Variants in EYS observed in about 807,000 individuals in gnomAD.
EYS encodes protein eyes shut homolog.
EYS carries 250 observed loss-of-function variants against 282.1 expected under a neutral mutation model. The observed-to-expected ratio is 0.89, with a 90% CI of 0.80 to 0.98. EYS has a LOEUF of 0.98. EYS is among the 50% of genes least tolerant of loss of function. The pLI is 0.00. For synonymous variants in EYS, 1,355 were observed against 1,282.9 expected (o/e 1.06, Z -1.20); for missense variants, 4,016 against 3,709.0 (o/e 1.08, Z -2.15).
intron 5 of EYS, among the ~76,000 whole-genome samples, chr6:65,416,327 T>G (rs1283714427): frequency 6.6e-6 from 1 of 151,996 alleles, no homozygotes; most frequent in Non-Finnish European, 1.5e-5. Context: ...TAAGGAGCCA[T>G]TTATTAAAAG....
In EYS at chr6:64,839,413, A is replaced by G. The variant is rs1304831704; in HGVS notation, c.2993-16591T>C. On this transcript the variant is annotated intron_variant, in intron 19 of 42. Transcript: ENST00000503581. ...GTGTACTGTGACTCTAATACATTTT[A>G]CTTCTATATAACAGTGTTCCTTTAT... is the stretch of plus-strand genomic sequence containing the variant. Among the ~76,000 whole-genome samples the G allele has an allele frequency of 1.2e-4, 18 of 152,060 alleles. 1 individual carries two copies. The highest frequency in any genetic ancestry group is 7.2e-4 in the Admixed American group (11 of 15,218).
chr6:63,806,081 T>C (rs1770899398), intron 37 of EYS, 109 bp downstream of exon 37: 2 of 930,750 alleles, frequency 2.1e-6, no homozygotes, highest in African/African-American at 1.7e-5. Context: ...GGAGGCTGCA[T>C]CTAGGCAAAG....
intron 31 of EYS, among the ~76,000 whole-genome samples, chr6:64,103,626 T>C (rs895411931): frequency 1.1e-4 from 16 of 152,066 alleles, no homozygotes; most frequent in African/African-American, 3.4e-4. Flanking sequence ...TCATAGATGG[T>C]GATATGCCAG....
intron 22 of EYS, among the ~76,000 whole-genome samples, chr6:64,707,325 G>A (rs1289392446): frequency 1.3e-5 from 2 of 152,094 alleles, no homozygotes; most frequent in Admixed American, 1.3e-4. Context: ...ATAATACAAT[G>A]GACTTTGGGA....
chr6:65,575,854 AT>A (rs1764645447), intron 2 of EYS, among the ~76,000 whole-genome samples: 2 of 152,106 alleles, frequency 1.3e-5, no homozygotes, highest in Non-Finnish European at 2.9e-5. Context: ...AAATGGATAA[AT>A]TCCTAGACAC....
At chr6:64,027,189 G>T (rs1404672742) in intron 33 of EYS, among the ~76,000 whole-genome samples, 1 of 152,142 alleles carries the variant, frequency 6.6e-6, no homozygotes, top group Non-Finnish European at 1.5e-5. Flanking sequence ...ATGGGGACTG[G>T]AGTCATAAAC....
intron 2 of EYS, among the ~76,000 whole-genome samples, chr6:65,591,419 A>G (rs1765230510): frequency 6.6e-6 from 1 of 151,822 alleles, no homozygotes; most frequent in Non-Finnish European, 1.5e-5. Context: ...CCTTTCCATA[A>G]TGTAAGGAAC....
At chr6:63,780,111 T>C (rs1003853966) in intron 39 of EYS, among the ~76,000 whole-genome samples, 2 of 152,182 alleles carry the variant, frequency 1.3e-5, no homozygotes, top group African/African-American at 4.8e-5. Flanking sequence ...TATTCCATGG[T>C]GTATATGTGC....
At chr6:64,053,374 C>A (rs1770877634) in intron 33 of EYS, among the ~76,000 whole-genome samples, 1 of 151,996 alleles carries the variant, frequency 6.6e-6, no homozygotes, top group African/African-American at 2.4e-5. Flanking sequence ...GAATTAAAAA[C>A]ATAAGAAAAT....
intron 41 of EYS, among the ~76,000 whole-genome samples, chr6:63,736,402 T>A (rs1389116877): frequency 6.6e-6 from 1 of 152,224 alleles, no homozygotes; most frequent in Non-Finnish European, 1.5e-5. Flanking sequence ...GTTGTAGATA[T>A]GTGGCATTAT....
At chr6:65,073,504 G>T (rs1048442391) in intron 12 of EYS, among the ~76,000 whole-genome samples, 3 of 151,550 alleles carry the variant, frequency 2.0e-5, no homozygotes, top group East Asian at 3.9e-4. Context: ...TCTACTTACA[G>T]AACCCAAACT....
chr6:65,016,635 T>C lies in EYS; in HGVS notation c.2138-18932A>G, dbSNP rs191176330. On this transcript the variant is annotated intron_variant, in intron 13 of 42. Coordinates refer to ENST00000503581, the MANE Select transcript of EYS (RefSeq NM_001142800.2). The stretch of plus-strand genomic sequence containing the variant: ...TAGTGAAATCCACTATAAAGTTAAA[T>C]AAAGTAGAATCAAGTCATCCAACTT... 7.2e-5 allele frequency among the ~76,000 whole-genome samples: 11 copies of C among 152,230 alleles called. No individual in the cohort carries two copies. In the East Asian group the frequency reaches 2.1e-3, roughly 29 times the overall value.
At chr6:64,427,742 T>C (rs1056093860) in intron 28 of EYS, among the ~76,000 whole-genome samples, 1 of 152,200 alleles carries the variant, frequency 6.6e-6, no homozygotes, top group Non-Finnish European at 1.5e-5. Flanking sequence ...AAAGCAACCA[T>C]TATGTATACT....
intron 36 of EYS, among the ~76,000 whole-genome samples, chr6:63,837,072 A>T (rs537270314): frequency 6.6e-6 from 1 of 152,172 alleles, no homozygotes; most frequent in South Asian, 2.1e-4. Context: ...TTCACATGTG[A>T]CATTCAATCA....
chr6:63,866,317 T>G (rs1772670804), intron 35 of EYS, among the ~76,000 whole-genome samples: 1 of 152,162 alleles, frequency 6.6e-6, no homozygotes, highest in South Asian at 2.1e-4. Context: ...CTGACCTTAC[T>G]TGGAGTTGAA....
intron 19 of EYS, among the ~76,000 whole-genome samples, chr6:64,860,744 T>A (rs1355194167): frequency 6.6e-6 from 1 of 152,166 alleles, no homozygotes; most frequent in Non-Finnish European, 1.5e-5. Context: ...ACTCAGTGGG[T>A]CCTGAGTTCT....
intron 15 of EYS, among the ~76,000 whole-genome samples, chr6:64,925,679 T>C (rs1349185642): frequency 6.6e-6 from 1 of 152,126 alleles, no homozygotes; most frequent in Admixed American, 6.6e-5. Flanking sequence ...TAAGATGTTC[T>C]CACCTTGTCT....
chr6:65,534,950 C>T (rs749593495), intron 2 of EYS, among the ~76,000 whole-genome samples: 18 of 152,230 alleles, frequency 1.2e-4, no homozygotes, highest in East Asian at 1.9e-4. Context: ...TTCTTTTACA[C>T]GCATCTCATT....
chr6:64,828,934 T>G (rs1008640057), intron 19 of EYS, among the ~76,000 whole-genome samples: 4 of 151,938 alleles, frequency 2.6e-5, no homozygotes, highest in Admixed American at 1.3e-4. Context: ...TAAAGCCTTA[T>G]TAAGAGGTTA....
Sources: gnomAD v4.1 joint callset for allele counts (sites outside exome capture counted in the v4.1 genomes callset) on GRCh38, gnomAD v4.1.1 for gene constraint, MANE v1.5 for transcripts, NCBI Gene and HGNC (gene_info 2026-07-23, HGNC 2026-07-21) for gene names.